Variants in SSH1 observed in about 807,000 individuals in gnomAD.
SSH1 encodes the protein protein phosphatase Slingshot homolog 1.
Under a neutral mutation model 79.7 loss-of-function variants are expected in SSH1, and 43 were observed. That is an observed-to-expected ratio of 0.54 (90% CI 0.42 to 0.70). The LOEUF (loss-of-function observed/expected upper bound fraction) is 0.70, where lower values mean the gene tolerates loss of function less well. Ranked by LOEUF, SSH1 falls within the 30% of genes least tolerant of loss-of-function variation. The pLI is 0.00. For synonymous variants in SSH1, 599 were observed against 538.3 expected, an observed-to-expected ratio of 1.11 and a Z score of -1.56; for missense variants, 1,206 against 1,358.8, an observed-to-expected ratio of 0.89 and a Z score of 1.77.
At chr12:108,830,906 A>C (rs2038456665) in intron 2 of SSH1, among the ~76,000 whole-genome samples, 1 of 151,970 alleles carries the variant, frequency 6.6e-6, no homozygotes, top group South Asian at 2.1e-4. Context: ...TGGCCTCCCA[A>C]AGTGCTGGGG....
rs1412439835 is a variant in SSH1, at chr12:108,782,086, T to C, written c.*5902A>G. The stretch of plus-strand genomic sequence containing the variant: ...AAGTCGAGGTTGCAGTGAGCTATGA[T>C]GGCACCACTGAACTCCAGCCTGAGC... On this transcript the variant is annotated 3_prime_UTR_variant, in exon 15 of 15. Transcript: ENST00000326495. The C allele has an allele frequency of 7.2e-6, 1 of 138,036 alleles. No individual in the cohort carries two copies. The highest frequency in any genetic ancestry group is 1.5e-5 in the Non-Finnish European group (1 of 66,542). The allele number at this position is 138,036 out of a possible 1,614,324, so 8.6% of individuals were successfully genotyped here. A position where few individuals can be genotyped will look rare whatever the true frequency, so the allele number is the denominator to read the frequency against.
intron 14 of SSH1, among the ~76,000 whole-genome samples, chr12:108,790,459 T>C (rs987513580): frequency 6.6e-6 from 1 of 152,112 alleles, no homozygotes; most frequent in Non-Finnish European, 1.5e-5. Flanking sequence ...TAATTTTGTA[T>C]TTTTAGTAGA....
rs1387668667 is a variant in SSH1 at position 108,782,741 on chromosome 12, T to C, written c.*5247A>G. 7 of 152,118 alleles carry C rather than the reference T, an allele frequency of 4.6e-5. No individual in the cohort carries two copies. Among genetic ancestry groups the C allele is most frequent in the African/African-American group, 1.7e-4 (7 of 41,434 alleles). 9.4% of individuals were successfully genotyped at this position (152,118 alleles called of 1,614,324 possible). A position where few individuals can be genotyped will look rare whatever the true frequency, so the allele number is the denominator to read the frequency against. On this transcript the variant is annotated 3_prime_UTR_variant, in exon 15 of 15. Coordinates refer to ENST00000326495, the MANE Select transcript of SSH1 (RefSeq NM_018984.4). ...TTTTCATCACAAGAAGCACACACAC[T>C]ATATACAATACACACCAACAGAAGT...
In SSH1 at chr12:108,789,783, C is replaced by G. The variant is rs146923968; in HGVS notation, c.1894-539G>C. Among the ~76,000 whole-genome samples the G allele has an allele frequency of 8.5e-5, 13 of 152,270 alleles. No homozygotes were observed. In the East Asian group the frequency reaches 2.5e-3, roughly 29 times the overall value. On this transcript the variant is annotated intron_variant, in intron 14 of 14. Transcript: ENST00000326495. ...AAAGCAGGAAGGAGGAGGGCACCCCCCTACCCCACCCCGCCTGCACAGGAC... is the reference window on the plus strand; with the variant it reads ...AAAGCAGGAAGGAGGAGGGCACCCCGCTACCCCACCCCGCCTGCACAGGAC...
In SSH1 at chr12:108,800,712, G is replaced by A. The variant is rs555388789; in HGVS notation, c.1148+68C>T. On this transcript the variant is annotated intron_variant, in intron 12 of 14. Transcript: ENST00000326495. ...AGCCGACTTCTGCATCTGCAGTCTC[G>A]TTCATTCCCACTCTCCCAGCCTCAG... is the stretch of plus-strand genomic sequence containing the variant. 1.8e-4 allele frequency: 281 copies of A among 1,598,600 alleles called. 5 individuals carry two copies. The highest frequency in any genetic ancestry group is 1.7e-3 in the South Asian group (153 of 90,714).
At chr12:108,840,868 G>A (rs1024646919) in intron 2 of SSH1, among the ~76,000 whole-genome samples, 3 of 152,182 alleles carry the variant, frequency 2.0e-5, no homozygotes, top group Admixed American at 1.3e-4. Flanking sequence ...TAGCCCGGCT[G>A]GTTTTCTCCA....
intron 3 of SSH1, among the ~76,000 whole-genome samples, chr12:108,822,338 T>C (rs2038152767): frequency 1.3e-5 from 2 of 152,146 alleles, no homozygotes; most frequent in Non-Finnish European, 2.9e-5. Flanking sequence ...TTCACTGTGT[T>C]GTTCGGGTTA....
At chr12:108,789,317 C>T (rs1167800259) in intron 14 of SSH1, 73 bp from the exon 15 acceptor site, 2 of 1,502,292 alleles carry the variant, frequency 1.3e-6, no homozygotes, top group Non-Finnish European at 1.8e-6. Context: ...TGAGGGTGGG[C>T]AGGGAAAGGG....
intron 2 of SSH1, among the ~76,000 whole-genome samples, chr12:108,835,471 A>G (rs747480190): frequency 6.6e-6 from 1 of 152,186 alleles, no homozygotes; most frequent in African/African-American, 2.4e-5. Flanking sequence ...ACTGAGGCTC[A>G]GGGAGGTTAA....
At chr12:108,789,365 G>T in intron 14 of SSH1, 121 bp from the exon 15 acceptor site, 1 of 1,041,134 alleles carries the variant, frequency 9.6e-7, no homozygotes, top group East Asian at 2.6e-5. Flanking sequence ...TGGAGGGGAG[G>T]CTCTCATTTC....
chr12:108,782,574 G>C lies in SSH1; in HGVS notation c.*5414C>G, dbSNP rs1229640154. The C allele has an allele frequency of 6.6e-6, 1 of 152,198 alleles. No individual in the cohort carries two copies. Among genetic ancestry groups the C allele is most frequent in the African/African-American group, 2.4e-5 (1 of 41,458 alleles). 9.4% of individuals were successfully genotyped at this position (152,198 alleles called of 1,614,324 possible). A position where few individuals can be genotyped will look rare whatever the true frequency, so the allele number is the denominator to read the frequency against. ...TCCAGGTTTTCTAGCAAAGAACTGA[G>C]CATGTAATAGATGCTCAATAAAGAC... On this transcript the variant is annotated 3_prime_UTR_variant, in exon 15 of 15. Transcript: ENST00000326495.
intron 2 of SSH1, among the ~76,000 whole-genome samples, chr12:108,828,623 G>A (rs1179315703): frequency 6.6e-6 from 1 of 152,164 alleles, no homozygotes; most frequent in Non-Finnish European, 1.5e-5. Flanking sequence ...CCAGGAAGAC[G>A]AGACTGTGCC....
At chr12:108,789,524 A>G (rs1008269085) in intron 14 of SSH1, among the ~76,000 whole-genome samples, 3 of 152,150 alleles carry the variant, frequency 2.0e-5, no homozygotes, top group African/African-American at 7.2e-5. Context: ...ATCTAAGTGA[A>G]CGTGACACAT....
In SSH1 at chr12:108,789,074, G is replaced by A. The variant is rs372574669; in HGVS notation, c.2064C>T (p.Ser688=). Residue 688 remains serine (S), a synonymous_variant, in exon 15 of 15, where the codon TCC becomes TCT. Coordinates refer to ENST00000326495, the MANE Select transcript of SSH1 (RefSeq NM_018984.4). ...TQPAFLPHIT[S]SPVAHLASRS... ...TGCTGGCCAAGTGGGCCACAGGGGA[G>A]GACGTGATGTGGGGTAGGAAGGCTG... 3 of 1,612,824 alleles carry A rather than the reference G, an allele frequency of 1.9e-6. No individual in the cohort carries two copies. The highest frequency in any genetic ancestry group is 1.1e-5 in the South Asian group (1 of 91,062).
At chr12:108,841,842 G>GTGTA (rs1451629074) in intron 2 of SSH1, among the ~76,000 whole-genome samples, 1 of 147,278 alleles carries the variant, frequency 6.8e-6, no homozygotes, top group Non-Finnish European at 1.5e-5. Flanking sequence ...GTGTGTGTGT[G>GTGTA]TATATATATA....
Position 108,807,536 on chromosome 12 carries a change from T to C in SSH1, c.731+97A>G. 1 of 1,181,478 alleles carries C rather than the reference T, an allele frequency of 8.5e-7. No homozygotes were observed. Among genetic ancestry groups the C allele is most frequent in the Non-Finnish European group, 1.2e-6 (1 of 803,230 alleles). 73.2% of individuals were successfully genotyped at this position (1,181,478 alleles called of 1,614,324 possible). On this transcript the variant is annotated intron_variant, in intron 8 of 14. Coordinates refer to ENST00000326495, the MANE Select transcript of SSH1 (RefSeq NM_018984.4). This position sits in a 1 kb window ranked among gnomAD's most constrained non-coding sequence, Gnocchi z 5.2. ...CACTCAAGGGACTCCAGGGGAGGTG[T>C]GGCCCAATGCAGGTTCAGGGTCGGG...
rs1264880897 is a variant in SSH1 at position 108,823,252 on chromosome 12, C to T, written c.214+6G>A. ...CAATGTAAGAGTATCAACTTAGAGC[C>T]CTCACCTGCATGCTTGTGGGGGTGC... On this transcript the variant is annotated splice_donor_region_variant and intron_variant, in intron 3 of 14. Coordinates refer to ENST00000326495, the MANE Select transcript of SSH1 (RefSeq NM_018984.4). The T allele has an allele frequency of 6.4e-7, 1 of 1,572,876 alleles. No homozygotes were observed. The highest frequency in any genetic ancestry group is 8.6e-7 in the Non-Finnish European group (1 of 1,157,466).
rs542457774 is a variant in SSH1 at position 108,816,908 on chromosome 12, C to T, written c.401+130G>A. 168 of 1,420,482 alleles carry T rather than the reference C, an allele frequency of 1.2e-4. No homozygotes were observed. The African/African-American group carries it at 2.0e-3, about 17-fold the overall frequency. 88.0% of individuals were successfully genotyped at this position (1,420,482 alleles called of 1,614,324 possible). A position where few individuals can be genotyped will look rare whatever the true frequency, so the allele number is the denominator to read the frequency against. On this transcript the variant is annotated intron_variant, in intron 5 of 14. Coordinates refer to ENST00000326495, the MANE Select transcript of SSH1 (RefSeq NM_018984.4). ...GCACACCCTAGTGTTCCCAGTGGCT[C>T]GACTCCCCAGGCTCTCCATCAGGAC...
At position 108,809,882 on chromosome 12, in the gene SSH1, T is replaced by C. The variant is rs866059946; in HGVS notation, c.471-124A>G. Reference sequence around the variant, plus strand: ...GGGAACAAGCACATCTCAGGCCACATGATGAGGGATTTTACGGAACCCGCT... The same window carrying C: ...GGGAACAAGCACATCTCAGGCCACACGATGAGGGATTTTACGGAACCCGCT... On this transcript the variant is annotated intron_variant, in intron 6 of 14. Coordinates refer to ENST00000326495, the MANE Select transcript of SSH1 (RefSeq NM_018984.4). 6 of 822,780 alleles carry C rather than the reference T, an allele frequency of 7.3e-6. No individual in the cohort carries two copies. The Middle Eastern group carries it at 1.4e-3, about 192-fold the overall frequency. 51.0% of individuals were successfully genotyped at this position (822,780 alleles called of 1,614,324 possible).
Sources: allele counts gnomAD v4.1 joint callset (sites outside exome capture counted in the v4.1 genomes callset), GRCh38; gene constraint gnomAD v4.1.1; non-coding constraint Gnocchi (gnomAD v3.1); transcripts MANE v1.5; gene names NCBI Gene and HGNC (gene_info 2026-07-23, HGNC 2026-07-21).